The following SLC41A3 variants were observed in gnomAD, a reference collection of about 807,000 sequenced individuals.
SLC41A3 encodes the protein SLC41A1-like 2.
SLC41A3 carries 44 observed loss-of-function variants against 45.4 expected under a neutral mutation model. That is an observed-to-expected ratio of 0.97 (90% CI 0.76 to 1.25). The LOEUF (loss-of-function observed/expected upper bound fraction) is 1.25, where lower values mean the gene tolerates loss of function less well. Among genes scored for constraint, SLC41A3 ranks in the 50% most tolerant of loss-of-function variants. The probability of loss-of-function intolerance (pLI) is 0.00; values close to 1 mark genes in which losing one functional copy is unlikely to be tolerated. For missense variants in SLC41A3, 550 were observed against 600.6 expected (o/e 0.92, Z 0.88); for synonymous variants, 256 against 252.4 (o/e 1.01, Z -0.13).
intron 1 of SLC41A3, among the ~76,000 whole-genome samples, chr3:126,082,525 T>C (rs1305556952): frequency 2.6e-5 from 4 of 152,206 alleles, no homozygotes; most frequent in Non-Finnish European, 5.9e-5. Flanking sequence ...CAGGACAGGT[T>C]GTGGACCACC....
intron 4 of SLC41A3, among the ~76,000 whole-genome samples, chr3:126,032,434 C>T (rs1173227078): frequency 6.6e-6 from 1 of 152,220 alleles, no homozygotes; most frequent in East Asian, 1.9e-4. Flanking sequence ...GGTGTGGTTA[C>T]TGGGAAGGAC....
At chr3:126,016,605 ACTG>A in intron 7 of SLC41A3, 123 bp downstream of exon 7, 1 of 1,217,064 alleles carries the variant, frequency 8.2e-7, no homozygotes. Flanking sequence ...AATGGGAGTT[ACTG>A]AAAGAGCCCA....
chr3:126,057,057 T>C (rs1943715485), intron 2 of SLC41A3: 4 of 995,050 alleles, frequency 4.0e-6, no homozygotes, highest in Non-Finnish European at 4.8e-6. Context: ...GTTCCCCTCC[T>C]GGCAGAGGAG....
At chr3:126,024,397 C>T (rs1281817821) in intron 5 of SLC41A3, 2 of 152,256 alleles carry the variant, frequency 1.3e-5, no homozygotes, top group Non-Finnish European at 2.9e-5. Flanking sequence ...CTGGCACATT[C>T]ATCCCGCCCC....
At chr3:126,064,409 C>A (rs553807670) in intron 2 of SLC41A3, among the ~76,000 whole-genome samples, 5 of 152,230 alleles carry the variant, frequency 3.3e-5, no homozygotes, top group African/African-American at 7.2e-5. Flanking sequence ...CCCCCCACAT[C>A]CCCTGCTGAC....
chr3:126,056,222 C>T, intron 2 of SLC41A3: 2 of 1,135,908 alleles, frequency 1.8e-6, no homozygotes, highest in East Asian at 5.0e-5. Flanking sequence ...CCGGGACGCC[C>T]AAGCAGCAAG....
Position 126,098,828 on chromosome 3 carries a change from G to C in SLC41A3, c.-79+2601C>G, listed in dbSNP as rs1256779701. ...GCTGGCCTCCATTTTCCCCTCCACTGCTGGCAGGTGGCCCTCTGGGAACAG... is the reference window on the plus strand; with the variant it reads ...GCTGGCCTCCATTTTCCCCTCCACTCCTGGCAGGTGGCCCTCTGGGAACAG... On this transcript the variant is annotated intron_variant, in intron 1 of 9. Transcript: ENST00000508835. Among the ~76,000 whole-genome samples the C allele has an allele frequency of 2.0e-5, 3 of 152,082 alleles. No homozygotes were observed. In the East Asian group the frequency reaches 5.8e-4, roughly 29 times the overall value.
chr3:126,013,602 C>T (rs1939950125), intron 8 of SLC41A3, among the ~76,000 whole-genome samples: 1 of 151,480 alleles, frequency 6.6e-6, no homozygotes, highest in Non-Finnish European at 1.5e-5. Flanking sequence ...GAGGGGAGGA[C>T]AGAGATGATC....
At chr3:126,100,212 C>G (rs1419863815) in intron 1 of SLC41A3, among the ~76,000 whole-genome samples, 1 of 150,090 alleles carries the variant, frequency 6.7e-6, no homozygotes, top group Non-Finnish European at 1.5e-5. Flanking sequence ...CTCCCTCCCC[C>G]TCTTGCCACG....
intron 1 of SLC41A3, among the ~76,000 whole-genome samples, chr3:126,080,312 T>A (rs1239828779): frequency 6.6e-6 from 1 of 152,046 alleles, no homozygotes; most frequent in Admixed American, 6.5e-5. Context: ...ACCACTCATC[T>A]CACAAGGGAT....
intron 2 of SLC41A3, among the ~76,000 whole-genome samples, chr3:126,058,638 C>T (rs1021729144): frequency 4.6e-5 from 7 of 152,208 alleles, no homozygotes; most frequent in Non-Finnish European, 7.3e-5. Flanking sequence ...CTCACAAAAC[C>T]ACTGTGTGCT....
At chr3:126,077,126 C>A (rs1432752240) in intron 1 of SLC41A3, among the ~76,000 whole-genome samples, 1 of 152,112 alleles carries the variant, frequency 6.6e-6, no homozygotes, top group African/African-American at 2.4e-5. Flanking sequence ...GCCTGTAATA[C>A]CAGCACTTTG....
intron 3 of SLC41A3, among the ~76,000 whole-genome samples, chr3:126,046,859 G>A (rs1942993010): frequency 1.3e-5 from 2 of 151,990 alleles, no homozygotes; most frequent in Non-Finnish European, 2.9e-5. Context: ...CTACTTGGGA[G>A]GCTGAGGCAG....
At chr3:126,095,752 A>G (rs1945587270) in intron 1 of SLC41A3, among the ~76,000 whole-genome samples, 1 of 152,248 alleles carries the variant, frequency 6.6e-6, no homozygotes, top group South Asian at 2.1e-4. Context: ...GAGGTGCTGC[A>G]CAACGATTCC....
chr3:126,035,632 T>G (rs889493510), intron 3 of SLC41A3, among the ~76,000 whole-genome samples: 1 of 152,150 alleles, frequency 6.6e-6, no homozygotes, highest in Non-Finnish European at 1.5e-5. Context: ...GTGAATTCAG[T>G]TGGGTATCAA....
upstream of SLC41A3, among the ~76,000 whole-genome samples, chr3:126,087,761 A>C (rs1051646067): frequency 2.0e-5 from 3 of 150,090 alleles, no homozygotes; most frequent in African/African-American, 7.4e-5. Flanking sequence ...TGGTCTATGT[A>C]AGTTGTAATA....
At chr3:126,043,646 T>C (rs6438962) in intron 3 of SLC41A3, among the ~76,000 whole-genome samples, 8,271 of 151,906 alleles carry the variant, frequency 0.054, 707 homozygotes, top group African/African-American at 0.18. Context: ...CTATAAACAG[T>C]AGAGTTTTAT....
chr3:126,057,341 C>T (rs939349250), intron 2 of SLC41A3, among the ~76,000 whole-genome samples: 1 of 152,204 alleles, frequency 6.6e-6, no homozygotes, highest in Non-Finnish European at 1.5e-5. Flanking sequence ...GTCAGACTGG[C>T]CCTGCTGACC....
At chr3:126,062,047 T>C (rs1214310112) in intron 2 of SLC41A3, among the ~76,000 whole-genome samples, 1 of 152,202 alleles carries the variant, frequency 6.6e-6, no homozygotes, top group Admixed American at 6.5e-5. Context: ...AAACAGTTAA[T>C]ACTACCCAAT....
Sources: allele counts gnomAD v4.1 joint callset (sites outside exome capture counted in the v4.1 genomes callset), GRCh38; gene constraint gnomAD v4.1.1; transcripts MANE v1.5; gene names NCBI Gene and HGNC (gene_info 2026-07-23, HGNC 2026-07-21).